The following PCSK5 variants were observed in gnomAD, a reference collection of about 807,000 sequenced individuals.
PCSK5 encodes prohormone convertase 5.
PCSK5 carries 129 observed loss-of-function variants against 233.2 expected under a neutral mutation model. The ratio of observed to expected loss-of-function variants is 0.55; its 90% CI spans 0.48 to 0.64. PCSK5 has a LOEUF of 0.64. PCSK5 is among the 30% of genes least tolerant of loss of function. The pLI, the probability that PCSK5 is intolerant of heterozygous loss-of-function variation, is 0.00. For missense variants in PCSK5, 2,076 were observed against 2,430.1 expected (o/e 0.85, Z 3.06); for synonymous variants, 825 against 879.2 (o/e 0.94, Z 1.09).
intron 35 of PCSK5, among the ~76,000 whole-genome samples, chr9:76,347,302 G>A (rs1356067866): frequency 6.6e-6 from 1 of 152,062 alleles, no homozygotes; most frequent in African/African-American, 2.4e-5. Context: ...GAACTGCTCT[G>A]AGTTTTAAAG....
At chr9:75,993,156 C>T (rs777121655) in intron 3 of PCSK5, among the ~76,000 whole-genome samples, 1 of 151,970 alleles carries the variant, frequency 6.6e-6, no homozygotes, top group African/African-American at 2.4e-5. Context: ...TTAAGACACC[C>T]CATTTAGCTG....
At chr9:75,990,777 GCTCACA>G (rs1826734898) in intron 3 of PCSK5, among the ~76,000 whole-genome samples, 1 of 152,168 alleles carries the variant, frequency 6.6e-6, no homozygotes, top group Non-Finnish European at 1.5e-5. Context: ...TGTAATTTTT[GCTCACA>G]GATTTGTTTC....
intron 5 of PCSK5, among the ~76,000 whole-genome samples, chr9:76,037,935 C>A (rs867434701): frequency 2.0e-5 from 3 of 152,282 alleles, no homozygotes; most frequent in Middle Eastern, 3.4e-3. Context: ...AAAGAGTGAC[C>A]TTTGTTAAGA....
intron 24 of PCSK5, among the ~76,000 whole-genome samples, chr9:76,283,008 G>A (rs967671843): frequency 6.6e-6 from 1 of 152,208 alleles, no homozygotes; most frequent in Non-Finnish European, 1.5e-5. Flanking sequence ...GGAACCTGAA[G>A]ATGTGACTGA....
chr9:76,343,333 TTGTG>T (rs57513234), intron 35 of PCSK5, among the ~76,000 whole-genome samples: 4,458 of 133,786 alleles, frequency 0.033, 197 homozygotes, highest in African/African-American at 0.095. Flanking sequence ...CCTGGGTAAT[TTGTG>T]TGTGTGTGTG....
At chr9:76,162,702 T>TAA (rs1016610062) in intron 12 of PCSK5, among the ~76,000 whole-genome samples, 2 of 152,142 alleles carry the variant, frequency 1.3e-5, no homozygotes, top group African/African-American at 4.8e-5. Flanking sequence ...TTTTCTTAAA[T>TAA]AAGAATTCTG....
At chr9:76,005,978 G>A (rs950074835) in intron 3 of PCSK5, among the ~76,000 whole-genome samples, 1 of 151,530 alleles carries the variant, frequency 6.6e-6, no homozygotes, top group African/African-American at 2.4e-5. Flanking sequence ...CCAAGTGACT[G>A]AGACTACAGC....
At chr9:76,291,182 A>G (rs1230888846) in intron 24 of PCSK5, among the ~76,000 whole-genome samples, 2 of 152,240 alleles carry the variant, frequency 1.3e-5, no homozygotes, top group African/African-American at 4.8e-5. Flanking sequence ...ACACAGGAAT[A>G]TCATTTGGTA....
rs573657159 is a variant in PCSK5, at chr9:76,296,822, C to T, written c.3480C>T (p.Cys1160=). ...QEGLQLLRGM[C]VHATKTQEEG... The stretch of plus-strand genomic sequence containing the variant: ...GACTGCAGCTGCTGCGTGGGATGTG[C>T]GTGCATGCCACCAAGACCCAGGAGG... The change falls in exon 27 of 38, where the codon TGC becomes TGT. Residue 1160 remains cysteine (C), a synonymous_variant. Coordinates refer to ENST00000674117, the MANE Select transcript of PCSK5 (RefSeq NM_001372043.1). The T allele has an allele frequency of 1.6e-5, 26 of 1,612,356 alleles. No homozygotes were observed. Among genetic ancestry groups the T allele is most frequent in the Middle Eastern group, 1.7e-4 (1 of 6,014 alleles).
chr9:75,951,716 A>G (rs1402498644), intron 2 of PCSK5, among the ~76,000 whole-genome samples: 3 of 152,140 alleles, frequency 2.0e-5, no homozygotes, highest in South Asian at 4.1e-4. Flanking sequence ...ACTTGGGAAA[A>G]AACAGTAAAA....
At chr9:76,121,829 T>TAGTG (rs1564041061) in intron 9 of PCSK5, among the ~76,000 whole-genome samples, 31 of 44,674 alleles carry the variant, frequency 6.9e-4, no homozygotes, top group African/African-American at 1.6e-3. Context: ...TTTTTTTTTT[T>TAGTG]TTTTTTTTTT....
chr9:76,040,385 G>GTCTCTCTGTCTC (rs1563988638), intron 5 of PCSK5, among the ~76,000 whole-genome samples: 2 of 80,622 alleles, frequency 2.5e-5, no homozygotes, highest in East Asian at 4.3e-4. Flanking sequence ...CTCTCTCTCT[G>GTCTCTCTGTCTC]TCTCTCTCTC....
At chr9:76,018,723 C>T (rs546807196) in intron 3 of PCSK5, among the ~76,000 whole-genome samples, 1 of 152,280 alleles carries the variant, frequency 6.6e-6, no homozygotes, top group East Asian at 1.9e-4. Context: ...TGAAAATTTT[C>T]AAATATAAAC....
At chr9:75,933,286 G>T (rs1313831800) in intron 2 of PCSK5, among the ~76,000 whole-genome samples, 1 of 152,106 alleles carries the variant, frequency 6.6e-6, no homozygotes, top group African/African-American at 2.4e-5. Flanking sequence ...GAACTAATTG[G>T]CCTCTCTGAT....
intron 2 of PCSK5, among the ~76,000 whole-genome samples, chr9:75,935,334 T>A (rs1453365028): frequency 6.6e-6 from 1 of 152,230 alleles, no homozygotes; most frequent in Non-Finnish European, 1.5e-5. Context: ...CCCAGAGTGC[T>A]GGGATTACAG....
At chr9:76,242,418 A>G (rs1466599384) in intron 24 of PCSK5, among the ~76,000 whole-genome samples, 1 of 152,242 alleles carries the variant, frequency 6.6e-6, no homozygotes, top group Non-Finnish European at 1.5e-5. Context: ...ATCTTCCACT[A>G]TAAAATGATG....
rs549462899 is a variant in PCSK5 at position 75,929,926 on chromosome 9, G to T, written c.193-2453G>T. 1.0e-3 allele frequency among the ~76,000 whole-genome samples: 156 copies of T among 150,002 alleles called. 1 individual carries two copies. Among genetic ancestry groups the T allele is most frequent in the African/African-American group, 3.6e-3 (146 of 40,684 alleles). On this transcript the variant is annotated intron_variant, in intron 1 of 37. Transcript: ENST00000674117. The stretch of plus-strand genomic sequence containing the variant: ...TGCCCAGGCTGGAGTACAGTGGCAC[G>T]ATCTTGGCTCACTGCAACCTCCGCC...
chr9:75,991,748 A>T (rs1482236265), intron 3 of PCSK5, among the ~76,000 whole-genome samples: 5 of 152,120 alleles, frequency 3.3e-5, no homozygotes, highest in Admixed American at 2.6e-4. Context: ...CCGTTTTTTC[A>T]CGACTAAAGA....
rs545487675 is a variant in PCSK5, at chr9:75,948,288, C to T, written c.297+15805C>T. Among the ~76,000 whole-genome samples, 4 of 151,640 alleles carry T rather than the reference C, an allele frequency of 2.6e-5. No individual in the cohort carries two copies. The South Asian group carries it at 8.4e-4, about 32-fold the overall frequency. On this transcript the variant is annotated intron_variant, in intron 2 of 37. Coordinates refer to ENST00000674117, the MANE Select transcript of PCSK5 (RefSeq NM_001372043.1). ...ACTCGTCATTTACATTAGGTATTTC[C>T]CCTAATGCTATCCCTCCCCTCGCCC...
Sources: gnomAD v4.1 joint callset for allele counts (sites outside exome capture counted in the v4.1 genomes callset) on GRCh38, gnomAD v4.1.1 for gene constraint, MANE v1.5 for transcripts, NCBI Gene and HGNC (gene_info 2026-07-23, HGNC 2026-07-21) for gene names.